The following SLC24A2 variants were observed in gnomAD, a reference collection of about 807,000 sequenced individuals.
SLC24A2 encodes the protein sodium/potassium/calcium exchanger 2.
In SLC24A2, 36 loss-of-function variants were observed where a neutral mutation model predicts 62.0. That is an observed-to-expected ratio of 0.58 (90% CI 0.44 to 0.77). The LOEUF is 0.77. SLC24A2 is among the 30% of genes least tolerant of loss of function. The pLI is 0.00. For missense variants in SLC24A2, 846 were observed against 817.9 expected (o/e 1.03, Z -0.42); for synonymous variants, 358 against 294.0 (o/e 1.22, Z -2.23).
the SLC24A2 span, among the ~76,000 whole-genome samples, chr9:20,294,524 C>T: frequency 1.3e-5 from 2 of 152,088 alleles, no homozygotes; most frequent in African/African-American, 4.8e-5. Context: ...CCCTCAAAGC[C>T]CCAGTTCTTC....
chr9:19,700,797 C>A (rs1380518607), intron 2 of SLC24A2, among the ~76,000 whole-genome samples: 3 of 152,178 alleles, frequency 2.0e-5, no homozygotes, highest in Non-Finnish European at 4.4e-5. Flanking sequence ...CAACTGACAA[C>A]CACATGCTTT....
At chr9:20,173,198 C>G in the SLC24A2 span, among the ~76,000 whole-genome samples, 1 of 151,858 alleles carries the variant, frequency 6.6e-6, no homozygotes, top group South Asian at 2.1e-4. Context: ...ATAAAAGCCA[C>G]CTGTGACAAA....
intron 5 of SLC24A2, among the ~76,000 whole-genome samples, chr9:19,591,327 TCTC>T (rs1257356854): frequency 2.0e-5 from 3 of 152,168 alleles, no homozygotes; most frequent in East Asian, 3.9e-4. Context: ...TTCTCAGTCT[TCTC>T]CACCAACACA....
At chr9:19,532,879 T>G (rs1309951436) in intron 8 of SLC24A2, among the ~76,000 whole-genome samples, 1 of 152,350 alleles carries the variant, frequency 6.6e-6, no homozygotes, top group South Asian at 2.1e-4. Flanking sequence ...TTAGATGCAT[T>G]CTTGTTTTGC....
intron 2 of SLC24A2, among the ~76,000 whole-genome samples, chr9:19,658,155 A>G (rs996752645): frequency 2.0e-5 from 3 of 152,222 alleles, no homozygotes; most frequent in Non-Finnish European, 2.9e-5. Context: ...ACAAGTATTA[A>G]AGAACTTTCA....
the SLC24A2 span, among the ~76,000 whole-genome samples, chr9:19,968,765 G>A: frequency 1.3e-5 from 2 of 152,130 alleles, no homozygotes; most frequent in Middle Eastern, 3.4e-3. Flanking sequence ...ATTATTTTAC[G>A]TCATTAACAG....
At chr9:19,554,748 G>T (rs1218031732) in intron 7 of SLC24A2, among the ~76,000 whole-genome samples, 1 of 152,148 alleles carries the variant, frequency 6.6e-6, no homozygotes, top group Non-Finnish European at 1.5e-5. Flanking sequence ...GGGACATTTT[G>T]ACCACAGCAG....
the SLC24A2 span, among the ~76,000 whole-genome samples, chr9:20,286,049 C>T: frequency 6.6e-6 from 1 of 152,184 alleles, no homozygotes; most frequent in African/African-American, 2.4e-5. Context: ...GTCCCCTTCC[C>T]AGGAAGGAAG....
Position 19,786,724 on chromosome 9 carries a change from G to T in SLC24A2, c.143C>A (p.Ala48Asp). The part of the protein sequence containing the change: ...RVLGLFMGLV[A>D]ISTVSFSISA... Reference sequence around the variant, plus strand: ...GATTGAAAATGAGACAGTGCTAATGGCTACCAGACCCATGAAAAGGCCTAA... The same window carrying T: ...GATTGAAAATGAGACAGTGCTAATGTCTACCAGACCCATGAAAAGGCCTAA... Residue 48 changes from alanine to aspartate, a missense_variant, in exon 2 of 11, where the codon GCC becomes GAC. By Grantham distance (126) the Ala-to-Asp change is moderately radical. Coordinates refer to ENST00000341998, the MANE Select transcript of SLC24A2 (RefSeq NM_020344.4). This position sits in a 1 kb window ranked among gnomAD's most constrained non-coding sequence, Gnocchi z 5.0. The T allele has an allele frequency of 6.2e-7, 1 of 1,607,730 alleles. No homozygotes were observed. Among genetic ancestry groups the T allele is most frequent in the Non-Finnish European group, 8.5e-7 (1 of 1,176,316 alleles).
chr9:19,658,940 T>C (rs1030865607), intron 2 of SLC24A2, among the ~76,000 whole-genome samples: 3 of 152,196 alleles, frequency 2.0e-5, no homozygotes, highest in Admixed American at 6.6e-5. Flanking sequence ...CGTACACAAG[T>C]GCTTTGTAGA....
chr9:19,866,105 A>C, the SLC24A2 span, among the ~76,000 whole-genome samples: 2 of 152,220 alleles, frequency 1.3e-5, no homozygotes, highest in South Asian at 4.1e-4. Context: ...AAGGTGCTCA[A>C]CATCATTAAA....
At chr9:19,951,060 G>A in the SLC24A2 span, among the ~76,000 whole-genome samples, 1 of 152,168 alleles carries the variant, frequency 6.6e-6, no homozygotes, top group African/African-American at 2.4e-5. Flanking sequence ...TTGCTGAAGA[G>A]CAGGTAAGGG....
chr9:19,548,721 T>C (rs1286851425), intron 8 of SLC24A2, among the ~76,000 whole-genome samples: 1 of 152,160 alleles, frequency 6.6e-6, no homozygotes, highest in African/African-American at 2.4e-5. Flanking sequence ...CTGTCCACAA[T>C]GCTCTCCTCC....
the SLC24A2 span, among the ~76,000 whole-genome samples, chr9:19,830,654 G>A: frequency 1.5e-4 from 23 of 152,176 alleles, no homozygotes; most frequent in African/African-American, 5.6e-4. Context: ...AAGTTCATCT[G>A]AGCAGCTCTG....
At chr9:19,906,824 G>C in the SLC24A2 span, among the ~76,000 whole-genome samples, 1 of 152,158 alleles carries the variant, frequency 6.6e-6, no homozygotes, top group Non-Finnish European at 1.5e-5. Flanking sequence ...TGAAATTGAG[G>C]CAATAATTAA....
At chr9:19,808,238 C>A in the SLC24A2 span, among the ~76,000 whole-genome samples, 2 of 152,298 alleles carry the variant, frequency 1.3e-5, no homozygotes, top group East Asian at 3.9e-4. This position sits in a 1 kb window ranked among gnomAD's most constrained non-coding sequence, Gnocchi z 4.1. Context: ...CCAGATGACA[C>A]AGATGTACTT....
At chr9:19,624,764 C>T (rs951424205) in intron 2 of SLC24A2, among the ~76,000 whole-genome samples, 1 of 152,122 alleles carries the variant, frequency 6.6e-6, no homozygotes, top group Admixed American at 6.6e-5. Context: ...CTCTACTTTC[C>T]TTTTATGTAG....
At chr9:19,556,017 C>G (rs980019113) in intron 7 of SLC24A2, among the ~76,000 whole-genome samples, 1 of 152,184 alleles carries the variant, frequency 6.6e-6, no homozygotes, top group African/African-American at 2.4e-5. Context: ...TAACTGCCTT[C>G]TAGGACTCTT....
At chr9:19,917,227 TTTAATG>T in the SLC24A2 span, among the ~76,000 whole-genome samples, 2 of 151,560 alleles carry the variant, frequency 1.3e-5, no homozygotes, top group African/African-American at 2.4e-5. Context: ...TGAAATTTAT[TTTAATG>T]TTATTTCTTT....
Sources: gnomAD v4.1 joint callset for allele counts (sites outside exome capture counted in the v4.1 genomes callset) on GRCh38, gnomAD v4.1.1 for gene constraint, Gnocchi (gnomAD v3.1) non-coding constraint, MANE v1.5 for transcripts, NCBI Gene and HGNC (gene_info 2026-07-23, HGNC 2026-07-21) for gene names.